Variants in NUP210 observed in about 807,000 individuals in gnomAD.
NUP210 encodes nucleoporin 210.
A neutral mutation model predicts 196.0 loss-of-function variants in NUP210; 151 were observed. The ratio of observed to expected loss-of-function variants is 0.77; its 90% CI spans 0.67 to 0.88. The LOEUF is 0.88. Ranked by LOEUF, NUP210 falls within the 40% of genes least tolerant of loss-of-function variation. NUP210 has a pLI of 0.00. For missense variants in NUP210, 2,314 were observed against 2,493.7 expected, an observed-to-expected ratio of 0.93 and a Z score of 1.53; for synonymous variants, 1,070 against 1,052.7, an observed-to-expected ratio of 1.02 and a Z score of -0.32.
chr3:13,420,056 T>G lies in NUP210; in HGVS notation c.167+4A>C. ...CGCCCGCCCGGCCCGGCCGCGCGCC[T>G]CACCAGCGGTAGCAGCCCTCCGAGG... On this transcript the variant is annotated splice_donor_region_variant and intron_variant, in intron 1 of 39. Transcript: ENST00000254508. This position sits in a 1 kb window ranked among gnomAD's most constrained non-coding sequence, Gnocchi z 4.8. 1 of 1,302,250 alleles carries G rather than the reference T, an allele frequency of 7.7e-7. No homozygotes were observed. The highest frequency in any genetic ancestry group is 9.9e-7 in the Non-Finnish European group (1 of 1,007,192). 80.7% of individuals were successfully genotyped at this position (1,302,250 alleles called of 1,614,324 possible).
In NUP210 at chr3:13,379,492, GA is replaced by G; in HGVS notation, c.976+70del. The G allele has an allele frequency of 1.3e-6, 2 of 1,593,596 alleles. No individual in the cohort carries two copies. Among genetic ancestry groups the G allele is most frequent in the Non-Finnish European group, 1.7e-6 (2 of 1,166,086 alleles). ...TTTTTAGCCCTGCCGAGCTTTCAGG[GA>G]AAAAAAGACTTGACTTCCAAACAGC... is the stretch of plus-strand genomic sequence containing the variant. On this transcript the variant is annotated intron_variant, in intron 7 of 39. Transcript: ENST00000254508. This position sits in a 1 kb window ranked among gnomAD's most constrained non-coding sequence, Gnocchi z 4.2.
At chr3:13,339,289 A>C (rs1697360523) in intron 25 of NUP210, among the ~76,000 whole-genome samples, 2 of 152,270 alleles carry the variant, frequency 1.3e-5, no homozygotes, top group South Asian at 4.1e-4. Flanking sequence ...CAGGGGACCT[A>C]GTTCTCATGA....
In NUP210 at chr3:13,371,947, C is replaced by A. The variant is rs1289082381; in HGVS notation, c.1673G>T (p.Arg558Met). 2 of 1,605,666 alleles carry A rather than the reference C, an allele frequency of 1.2e-6. No homozygotes were observed. Among genetic ancestry groups the A allele is most frequent in the Non-Finnish European group, 1.7e-6 (2 of 1,176,380 alleles). The change falls in exon 13 of 40, where the codon AGG becomes ATG. Residue 558 changes from arginine to methionine, a missense_variant. Transcript: ENST00000254508. ...CCCGCCGGGCATGAGGCCACTGATC[C>A]TCAGGGGCAGCTCCAGGGCCTGGCC... Reference protein sequence around the residue: ...RVGQALELPLRISGLMPGGAS... With the variant: ...RVGQALELPLMISGLMPGGAS...
chr3:13,411,081 A>G (rs1289243885), intron 1 of NUP210, among the ~76,000 whole-genome samples: 2 of 152,136 alleles, frequency 1.3e-5, no homozygotes, highest in African/African-American at 4.8e-5. Context: ...AAATTTTAAA[A>G]ATTAGCTGGG....
At chr3:13,385,176 G>A (rs1699233472) in intron 6 of NUP210, among the ~76,000 whole-genome samples, 1 of 152,170 alleles carries the variant, frequency 6.6e-6, no homozygotes, top group Admixed American at 6.5e-5. Context: ...GCTCTCAGTT[G>A]AGCAGGACTT....
chr3:13,345,050 C>A (rs1415023333), intron 20 of NUP210: 2 of 985,340 alleles, frequency 2.0e-6, no homozygotes, highest in Admixed American at 6.1e-5. Context: ...CTAGCACTCA[C>A]ATGCCCTCGG....
chr3:13,338,398 G>A (rs1412171297), intron 25 of NUP210, among the ~76,000 whole-genome samples: 2 of 152,164 alleles, frequency 1.3e-5, no homozygotes, highest in African/African-American at 2.4e-5. Context: ...TATTAATCTG[G>A]CCAAAGACTA....
rs2271506 is a variant in NUP210 at position 13,340,208 on chromosome 3, G to C, written c.3291+28C>G. On this transcript the variant is annotated intron_variant, in intron 24 of 39. Coordinates refer to ENST00000254508, the MANE Select transcript of NUP210 (RefSeq NM_024923.4). The surrounding 1 kb of genome is among the most constrained non-coding windows in gnomAD (Gnocchi z 4.0). The stretch of plus-strand genomic sequence containing the variant: ...CAGGTGGTGGCCTGCACTGGGGCTG[G>C]AGCAGGACGTGGCCTCTTGGCTCTC... 7 of 1,613,004 alleles carry C rather than the reference G, an allele frequency of 4.3e-6. No homozygotes were observed. The highest frequency in any genetic ancestry group is 2.2e-5 in the East Asian group (1 of 44,874).
chr3:13,341,306 C>T (rs903283834), intron 23 of NUP210, among the ~76,000 whole-genome samples: 3 of 152,318 alleles, frequency 2.0e-5, no homozygotes, highest in East Asian at 3.9e-4. Context: ...CTTTATGATA[C>T]CTCTGCTCAC....
intron 29 of NUP210, 146 bp downstream of exon 29, chr3:13,332,147 A>T: frequency 1.6e-6 from 1 of 635,924 alleles, no homozygotes; most frequent in Non-Finnish European, 2.9e-6. Context: ...GAAGAGAAGG[A>T]GCAGGCAGAG....
In NUP210 at chr3:13,379,111, T is replaced by C. The variant is rs1307183229; in HGVS notation, c.977-131A>G. 1 of 797,604 alleles carries C rather than the reference T, an allele frequency of 1.3e-6. No homozygotes were observed. The highest frequency in any genetic ancestry group is 2.2e-6 in the Non-Finnish European group (1 of 459,824). The allele number at this position is 797,604 out of a possible 1,614,324, so 49.4% of individuals were successfully genotyped here. A position where few individuals can be genotyped will look rare whatever the true frequency, so the allele number is the denominator to read the frequency against. On this transcript the variant is annotated intron_variant, in intron 7 of 39. Transcript: ENST00000254508. This position sits in a 1 kb window ranked among gnomAD's most constrained non-coding sequence, Gnocchi z 4.2. ...GAAGAAGAGGGGATGAAAACTCCCC[T>C]GGCTTAGGCCACGTAGAGCAAAGGC... is the stretch of plus-strand genomic sequence containing the variant.
intron 2 of NUP210, among the ~76,000 whole-genome samples, chr3:13,398,999 T>C (rs11923913): frequency 0.033 from 5,041 of 152,238 alleles, 112 homozygotes; most frequent in Middle Eastern, 0.075. Flanking sequence ...CCAGGTGCGG[T>C]AGCTCCCGCC....
In NUP210 at chr3:13,420,298, C is replaced by CCGCG. The variant is rs555540962; in HGVS notation, c.-76_-73dup. The CCGCG allele has an allele frequency of 3.3e-5, 32 of 965,886 alleles. No homozygotes were observed. Among genetic ancestry groups the CCGCG allele is most frequent in the Non-Finnish European group, 3.8e-5 (31 of 807,362 alleles). The allele number at this position is 965,886 out of a possible 1,614,324, so 59.8% of individuals were successfully genotyped here. On this transcript the variant is annotated 5_prime_UTR_variant, in exon 1 of 40. Coordinates refer to ENST00000254508, the MANE Select transcript of NUP210 (RefSeq NM_024923.4). This position sits in a 1 kb window ranked among gnomAD's most constrained non-coding sequence, Gnocchi z 4.8. ...CCGCCCCGTTGCCCTCCGCTCCCGC[C>CCGCG]CGCGCGCGCGCCAGGCCAGCAGGTG... is the stretch of plus-strand genomic sequence containing the variant.
At chr3:13,414,024 G>A (rs924356982) in intron 1 of NUP210, among the ~76,000 whole-genome samples, 14 of 152,230 alleles carry the variant, frequency 9.2e-5, no homozygotes, top group Non-Finnish European at 5.9e-5. Flanking sequence ...ATGTGCTGGC[G>A]TCTGGCAGGC....
At chr3:13,357,171 C>T (rs1382013775) in intron 16 of NUP210, among the ~76,000 whole-genome samples, 1 of 152,228 alleles carries the variant, frequency 6.6e-6, no homozygotes, top group Non-Finnish European at 1.5e-5. Context: ...ACAGTGCATT[C>T]GCTGGTTCAC....
At chr3:13,410,061 C>T (rs1270042665) in intron 1 of NUP210, among the ~76,000 whole-genome samples, 1 of 150,940 alleles carries the variant, frequency 6.6e-6, no homozygotes, top group Non-Finnish European at 1.5e-5. Context: ...ACGGTTTCAC[C>T]GTGTTGCCCA....
At chr3:13,325,551 AC>A (rs1220069794) in intron 33 of NUP210, among the ~76,000 whole-genome samples, 2 of 151,996 alleles carry the variant, frequency 1.3e-5, no homozygotes, top group African/African-American at 4.8e-5. Flanking sequence ...GCTGGAATCC[AC>A]CCTACAAGGC....
intron 1 of NUP210, among the ~76,000 whole-genome samples, chr3:13,404,887 G>A (rs1699955743): frequency 6.6e-6 from 1 of 152,158 alleles, no homozygotes; most frequent in Non-Finnish European, 1.5e-5. Context: ...TACATGGAGG[G>A]AGGGTGGGTA....
At position 13,386,224 on chromosome 3, in the gene NUP210, A is replaced by T. The variant is rs1241485026; in HGVS notation, c.817+51T>A. The T allele has an allele frequency of 2.5e-6, 4 of 1,570,754 alleles. No individual in the cohort carries two copies. In the South Asian group the frequency reaches 4.7e-5, roughly 18 times the overall value. On this transcript the variant is annotated intron_variant, in intron 6 of 39. Transcript: ENST00000254508. Reference sequence around the variant, plus strand: ...TTTGTTACATGTATGTAACCACAATAAAAAAAGGAGGAAGGAAGCATCTGT... The same window carrying T: ...TTTGTTACATGTATGTAACCACAATTAAAAAAGGAGGAAGGAAGCATCTGT...
Sources: gnomAD v4.1 joint callset for allele counts (sites outside exome capture counted in the v4.1 genomes callset) on GRCh38, gnomAD v4.1.1 for gene constraint, Gnocchi (gnomAD v3.1) non-coding constraint, MANE v1.5 for transcripts, NCBI Gene and HGNC (gene_info 2026-07-23, HGNC 2026-07-21) for gene names.